FBXL18: variants seen among roughly 807,000 people sequenced by gnomAD.
FBXL18 encodes F-box and leucine rich repeat protein 18.
In FBXL18, 36 loss-of-function variants were observed where a neutral mutation model predicts 46.0. The observed-to-expected ratio is 0.78, with a 90% CI of 0.60 to 1.03. The LOEUF is 1.03. FBXL18 is among the 50% of genes least tolerant of loss of function. FBXL18 has a pLI of 0.00. For missense variants in FBXL18, 977 were observed against 1,004.1 expected (o/e 0.97, Z 0.36); for synonymous variants, 557 against 465.3 (o/e 1.20, Z -2.54).
chr7:5,500,787 G>A lies in FBXL18; in HGVS notation c.1482C>T (p.Asn494=), dbSNP rs1412525230. The change falls in exon 3 of 5, where the codon AAC becomes AAT. Residue 494 remains asparagine, a synonymous_variant. Coordinates refer to ENST00000382368, the MANE Select transcript of FBXL18 (RefSeq NM_024963.6). ...CGTTGCGGGGCATGGCGGAGGAGAA[G>A]TTGGACCCAATCAGCTCGAGGTGTT... ...FLEHLELIGS[N]FSSAMPRNEP... 1.9e-6 allele frequency: 3 copies of A among 1,612,702 alleles called. No homozygotes were observed. Among genetic ancestry groups the A allele is most frequent in the Non-Finnish European group, 8.5e-7 (1 of 1,179,790 alleles).
intron 4 of FBXL18, among the ~76,000 whole-genome samples, chr7:5,456,384 G>A (rs1783175158): frequency 6.6e-6 from 1 of 152,212 alleles, no homozygotes; most frequent in Non-Finnish European, 1.5e-5. Context: ...CAAACCAAGG[G>A]GGATCTCAAA....
intron 4 of FBXL18, among the ~76,000 whole-genome samples, chr7:5,484,239 G>A (rs564384217): frequency 2.0e-5 from 3 of 152,228 alleles, no homozygotes; most frequent in East Asian, 3.9e-4. Flanking sequence ...AGGCCAAGGC[G>A]GGTGGATCAC....
chr7:5,512,436 G>A (rs566951181), intron 1 of FBXL18, among the ~76,000 whole-genome samples: 4 of 152,060 alleles, frequency 2.6e-5, no homozygotes, highest in South Asian at 2.1e-4. Context: ...CCAACATGGC[G>A]AAACCCTGTC....
At chr7:5,484,157 G>T (rs999604031) in intron 4 of FBXL18, among the ~76,000 whole-genome samples, 4 of 152,194 alleles carry the variant, frequency 2.6e-5, no homozygotes, top group Admixed American at 1.3e-4. Context: ...TCTGGCTCCA[G>T]CTCGTGAGGC....
Position 5,481,468 on chromosome 7 carries a change from A to C in FBXL18, c.*307T>G. The C allele has an allele frequency of 1.5e-5, 4 of 260,910 alleles. No homozygotes were observed. Among genetic ancestry groups the C allele is most frequent in the African/African-American group, 2.3e-5 (1 of 43,594 alleles). The allele number at this position is 260,910 out of a possible 1,614,324, so 16.2% of individuals were successfully genotyped here. On this transcript the variant is annotated 3_prime_UTR_variant, in exon 5 of 5. Transcript: ENST00000382368. ...AGGCCCGTGGACAGGGCCCCCAGGGATTGCGGCTCAGTATACAAACCCCCC... is the reference window on the plus strand; with the variant it reads ...AGGCCCGTGGACAGGGCCCCCAGGGCTTGCGGCTCAGTATACAAACCCCCC...
chr7:5,473,560 G>A (rs1309647696), downstream of FBXL18, among the ~76,000 whole-genome samples: 3 of 152,032 alleles, frequency 2.0e-5, no homozygotes, highest in Non-Finnish European at 2.9e-5. Context: ...TCAGGAGTTC[G>A]AGACCAGCCT....
At chr7:5,466,802 C>G (rs1253098094) in intron 4 of FBXL18, among the ~76,000 whole-genome samples, 3 of 152,194 alleles carry the variant, frequency 2.0e-5, no homozygotes, top group African/African-American at 7.2e-5. Flanking sequence ...CTGGGGGTGA[C>G]AAAGTTTGCA....
rs1399140183 is a variant in FBXL18 at position 5,501,069 on chromosome 7, G to T, written c.1200C>A (p.Gly400=). ...GGAGCTGGCAGAGGTGGCGGCCCAG[G>T]CCCTCCGAGCTGTGGTGGTGGGCGG... ...LSAAHHHSSE[G]LGRHLCQLLA... is the part of the protein sequence containing the mutation. Residue 400 remains glycine (G), a synonymous_variant, in exon 3 of 5, where the codon GGC becomes GGA. Coordinates refer to ENST00000382368, the MANE Select transcript of FBXL18 (RefSeq NM_024963.6). The T allele has an allele frequency of 1.9e-6, 3 of 1,610,776 alleles. No individual in the cohort carries two copies. Among genetic ancestry groups the T allele is most frequent in the East Asian group, 2.2e-5 (1 of 44,872 alleles).
chr7:5,486,425 A>C (rs1356188083), intron 4 of FBXL18, among the ~76,000 whole-genome samples: 1 of 151,962 alleles, frequency 6.6e-6, no homozygotes, highest in Non-Finnish European at 1.5e-5. Context: ...TTCAAAAAAA[A>C]ACAAAAAACA....
In FBXL18 at chr7:5,496,400, C is replaced by T. The variant is rs1462388712; in HGVS notation, c.1781+4088G>A. 1.3e-5 allele frequency among the ~76,000 whole-genome samples: 2 copies of T among 152,190 alleles called. No homozygotes were observed. Among genetic ancestry groups the T allele is most frequent in the African/African-American group, 4.8e-5 (2 of 41,450 alleles). On this transcript the variant is annotated intron_variant, in intron 3 of 4. Transcript: ENST00000382368. The surrounding 1 kb of genome is among the most constrained non-coding windows in gnomAD (Gnocchi z 4.8). The stretch of plus-strand genomic sequence containing the variant: ...GACAGCCTCTGCTCGGTCTCCCTTC[C>T]ACATTCTTCTTCCTCTTCCTGGCCA...
intron 1 of FBXL18, among the ~76,000 whole-genome samples, chr7:5,511,476 C>T (rs770888135): frequency 2.6e-5 from 4 of 151,938 alleles, no homozygotes; most frequent in East Asian, 3.9e-4. Flanking sequence ...CGTAGTGGCA[C>T]GCGCCTGTAA....
chr7:5,500,459 G>C (rs1237292494), intron 3 of FBXL18, 29 bp downstream of exon 3: 3 of 1,552,668 alleles, frequency 1.9e-6, no homozygotes, highest in Non-Finnish European at 1.7e-6. Context: ...TTCCAGCAGA[G>C]GCCCGAGAGG....
At chr7:5,490,160 C>A in intron 4 of FBXL18, 1 of 1,356,450 alleles carries the variant, frequency 7.4e-7, no homozygotes, top group East Asian at 4.6e-5. Context: ...GCTGATGGCT[C>A]TTCTCGCAAC....
At chr7:5,509,742 AC>A (rs1784482065) in intron 1 of FBXL18, among the ~76,000 whole-genome samples, 1 of 149,896 alleles carries the variant, frequency 6.7e-6, no homozygotes, top group Non-Finnish European at 1.5e-5. Context: ...CTCAGGCCAG[AC>A]CCCTGATGCA....
At chr7:5,469,417 A>AT (rs1255816074) in intron 4 of FBXL18, among the ~76,000 whole-genome samples, 35 of 152,126 alleles carry the variant, frequency 2.3e-4, no homozygotes, top group African/African-American at 4.3e-4. Flanking sequence ...CTCAAAAAAA[A>AT]TTTTTTTAAA....
intron 3 of FBXL18, among the ~76,000 whole-genome samples, chr7:5,491,833 C>T (rs1442682970): frequency 2.0e-5 from 3 of 152,194 alleles, no homozygotes; most frequent in Non-Finnish European, 4.4e-5. Context: ...AAGAGGACCC[C>T]ACACATGGCC....
intron 4 of FBXL18, among the ~76,000 whole-genome samples, chr7:5,457,879 C>T (rs1183513845): frequency 1.3e-5 from 2 of 152,196 alleles, no homozygotes; most frequent in Non-Finnish European, 2.9e-5. Flanking sequence ...CCTGCCTCGC[C>T]GGGGAAAGGA....
chr7:5,464,746 A>G (rs1431771181), intron 4 of FBXL18, among the ~76,000 whole-genome samples: 1 of 117,726 alleles, frequency 8.5e-6, no homozygotes, highest in Non-Finnish European at 1.8e-5. Context: ...ATATATTCAC[A>G]TTTGTTTGGA....
chr7:5,463,839 C>G (rs900983370), intron 4 of FBXL18, among the ~76,000 whole-genome samples: 2 of 148,712 alleles, frequency 1.3e-5, no homozygotes, highest in African/African-American at 5.0e-5. Flanking sequence ...CTCCCAGGTT[C>G]AAGCGATTCT....
Sources: allele counts gnomAD v4.1 joint callset (sites outside exome capture counted in the v4.1 genomes callset), GRCh38; gene constraint gnomAD v4.1.1; non-coding constraint Gnocchi (gnomAD v3.1); transcripts MANE v1.5; gene names NCBI Gene and HGNC (gene_info 2026-07-23, HGNC 2026-07-21).